LCP1: variants seen among roughly 807,000 people sequenced by gnomAD.
LCP1 encodes plastin-2.
Under a neutral mutation model 72.0 loss-of-function variants are expected in LCP1, and 23 were observed. The ratio of observed to expected loss-of-function variants is 0.32; its 90% CI spans 0.23 to 0.45. LCP1 has a LOEUF of 0.45. Ranked by LOEUF, LCP1 falls within the 20% of genes least tolerant of loss-of-function variation. The pLI is 1.00. For synonymous variants in LCP1, 245 were observed against 275.4 expected (o/e 0.89, Z 1.09); for missense variants, 571 against 748.3 (o/e 0.76, Z 2.76).
intron 1 of LCP1, among the ~76,000 whole-genome samples, chr13:46,160,286 A>T (rs929274351): frequency 6.6e-6 from 1 of 152,178 alleles, no homozygotes; most frequent in African/African-American, 2.4e-5. Context: ...AAGCAGAAGA[A>T]TCGCCCAGCT....
chr13:46,172,096 C>T (rs956098821), intron 1 of LCP1, among the ~76,000 whole-genome samples: 1 of 152,210 alleles, frequency 6.6e-6, no homozygotes, highest in East Asian at 1.9e-4. Context: ...AGAAGGTTTT[C>T]CAGAGAAGGT....
At chr13:46,175,502 C>A (rs1490532906) in intron 1 of LCP1, among the ~76,000 whole-genome samples, 1 of 152,158 alleles carries the variant, frequency 6.6e-6, no homozygotes. Context: ...GCTGCAGACA[C>A]TCAGCTTTAA....
chr13:46,168,891 AC>A (rs2045891270), intron 1 of LCP1, among the ~76,000 whole-genome samples: 1 of 152,090 alleles, frequency 6.6e-6, no homozygotes, highest in South Asian at 2.1e-4. Flanking sequence ...TATTCTTGTA[AC>A]CTGCTTTTTT....
chr13:46,169,313 T>C (rs1020566288), intron 1 of LCP1: 4 of 152,230 alleles, frequency 2.6e-5, no homozygotes. Context: ...TTTCTAGGTA[T>C]GGCAAAGGCA....
At chr13:46,138,661 T>C (rs2045679511) in intron 13 of LCP1, among the ~76,000 whole-genome samples, 1 of 152,338 alleles carries the variant, frequency 6.6e-6, no homozygotes, top group African/African-American at 2.4e-5. Flanking sequence ...GTTTGTTTTT[T>C]TCTGAGACAG....
intron 1 of LCP1, among the ~76,000 whole-genome samples, chr13:46,173,106 T>A (rs1192482468): frequency 6.6e-6 from 1 of 151,500 alleles, no homozygotes; most frequent in Non-Finnish European, 1.5e-5. Flanking sequence ...TACACCCATG[T>A]AAAGGCATTC....
In LCP1 at chr13:46,130,261, G is replaced by C. The variant is rs140468019; in HGVS notation, c.1751+553C>G. Among the ~76,000 whole-genome samples, 381 of 152,360 alleles carry C rather than the reference G, an allele frequency of 2.5e-3. 2 individuals are homozygous for C. The highest frequency in any genetic ancestry group is 8.8e-3 in the African/African-American group (364 of 41,582). On this transcript the variant is annotated intron_variant, in intron 15 of 15. Coordinates refer to ENST00000323076, the MANE Select transcript of LCP1 (RefSeq NM_002298.5). ...TTTGTTGCAACTATGCAACTCTGCT[G>C]TTATAGCAGGGAAGCAGCTATAGAC...
At chr13:46,156,715 G>A in intron 4 of LCP1, 145 bp from the exon 5 acceptor site, 2 of 912,524 alleles carry the variant, frequency 2.2e-6, no homozygotes, top group Non-Finnish European at 3.4e-6. Flanking sequence ...TATTTATTAA[G>A]ATTTAAAAAT....
At chr13:46,164,503 A>T (rs1308306608) in intron 1 of LCP1, among the ~76,000 whole-genome samples, 5 of 152,252 alleles carry the variant, frequency 3.3e-5, no homozygotes, top group African/African-American at 1.2e-4. Flanking sequence ...AGTGGAGAGG[A>T]TAAACTCAGA....
intron 12 of LCP1, 88 bp downstream of exon 12, chr13:46,143,202 C>A (rs9595419): frequency 0.046 from 36,816 of 802,376 alleles, 2,016 homozygotes; most frequent in African/African-American, 0.23. Flanking sequence ...TACTTGTCTA[C>A]GTTTGGCTGC....
chr13:46,128,656 A>T (rs9590944), intron 15 of LCP1, among the ~76,000 whole-genome samples: 25,134 of 152,148 alleles, frequency 0.17, 2,447 homozygotes, highest in Non-Finnish European at 0.21. Flanking sequence ...TTCCATTCCA[A>T]TTCTTGCCCA....
intron 2 of LCP1, 195 bp from the exon 3 acceptor site, chr13:46,159,184 C>T (rs748799785): frequency 3.4e-6 from 2 of 583,332 alleles, no homozygotes; most frequent in Admixed American, 6.0e-5. Context: ...TTACTTTCAA[C>T]ATCCACAGTA....
chr13:46,135,505 A>G (rs2045659767), intron 13 of LCP1, among the ~76,000 whole-genome samples: 1 of 152,214 alleles, frequency 6.6e-6, no homozygotes, highest in South Asian at 2.1e-4. Context: ...ATGGTTTTCA[A>G]GTTTAGTCCC....
chr13:46,150,954 G>A lies in LCP1; in HGVS notation c.864C>T (p.Asn288=). 1 of 1,613,914 alleles carries A rather than the reference G, an allele frequency of 6.2e-7. No homozygotes were observed. Among genetic ancestry groups the A allele is most frequent in the South Asian group, 1.1e-5 (1 of 91,064 alleles). Reference sequence around the variant, plus strand: ...CTCCTACCTTGATGTCAGTACTGAAGTTGCCAATTTTGTTGCAGCCTGCAT... The same window carrying A: ...CTCCTACCTTGATGTCAGTACTGAAATTGCCAATTTTGTTGCAGCCTGCAT... The part of the protein sequence containing the change: ...LENAGCNKIG[N]FSTDIKDSKA... The change falls in exon 8 of 16, where the codon AAC becomes AAT. Residue 288 remains asparagine (N), a synonymous_variant. Coordinates refer to ENST00000323076, the MANE Select transcript of LCP1 (RefSeq NM_002298.5).
At chr13:46,130,689 G>T in intron 15 of LCP1, 125 bp downstream of exon 15, 1 of 1,186,080 alleles carries the variant, frequency 8.4e-7, no homozygotes, top group South Asian at 1.4e-5. Flanking sequence ...AAAGTCATGA[G>T]AAGGAAAAGC....
At position 46,158,514 on chromosome 13, in the gene LCP1, G is replaced by C; in HGVS notation, c.358+8C>G. On this transcript the variant is annotated splice_region_variant and intron_variant, in intron 4 of 15. Coordinates refer to ENST00000323076, the MANE Select transcript of LCP1 (RefSeq NM_002298.5). Reference sequence around the variant, plus strand: ...GAAATCCTGCTCCAACCCAGGAGTTGAGCCTACCTGAATAGGAGTGTTGGG... The same window carrying C: ...GAAATCCTGCTCCAACCCAGGAGTTCAGCCTACCTGAATAGGAGTGTTGGG... 3 of 1,612,726 alleles carry C rather than the reference G, an allele frequency of 1.9e-6. No individual in the cohort carries two copies. Among genetic ancestry groups the C allele is most frequent in the Non-Finnish European group, 1.7e-6 (2 of 1,179,590 alleles).
At chr13:46,178,479 C>G (rs2045942044) in intron 1 of LCP1, among the ~76,000 whole-genome samples, 1 of 152,104 alleles carries the variant, frequency 6.6e-6, no homozygotes. Flanking sequence ...AGGGAGATAT[C>G]CCTAGGAAAC....
chr13:46,154,853 A>G lies in LCP1; in HGVS notation c.525T>C (p.Ile175=), dbSNP rs564501463. Residue 175 remains isoleucine, a synonymous_variant, in exon 6 of 16, where the codon ATT becomes ATC. Transcript: ENST00000323076. The part of the protein sequence containing the change: ...KMINLSVPDT[I]DERTINKKKL... ...TCTTTTTGTTGATTGTTCTTTCATC[A>G]ATTGTGTCTGGCACTGACAGGTTGA... 4 of 1,614,114 alleles carry G rather than the reference A, an allele frequency of 2.5e-6. No homozygotes were observed. The East Asian group carries it at 8.9e-5, about 36-fold the overall frequency.
At chr13:46,144,645 CTG>C (rs1356785099) in intron 10 of LCP1, 125 bp from the exon 11 acceptor site, 5 of 692,734 alleles carry the variant, frequency 7.2e-6, no homozygotes, top group Non-Finnish European at 1.3e-5. Context: ...ATAAAATAAA[CTG>C]TATTGGATTT....
Sources: allele counts gnomAD v4.1 joint callset (sites outside exome capture counted in the v4.1 genomes callset), GRCh38; gene constraint gnomAD v4.1.1; transcripts MANE v1.5; gene names NCBI Gene and HGNC (gene_info 2026-07-23, HGNC 2026-07-21).